The following PDE8B variants were observed in gnomAD, a reference collection of about 807,000 sequenced individuals.
PDE8B encodes high affinity cAMP-specific and IBMX-insensitive 3',5'-cyclic phosphodiesterase 8B.
A neutral mutation model predicts 101.3 loss-of-function variants in PDE8B; 26 were observed. That is an observed-to-expected ratio of 0.26 (90% CI 0.19 to 0.36). The LOEUF is 0.36. Ranked by LOEUF, PDE8B falls within the 10% of genes least tolerant of loss-of-function variation. The pLI, the probability that PDE8B is intolerant of heterozygous loss-of-function variation, is 1.00. For missense variants in PDE8B, 810 were observed against 1,163.1 expected (o/e 0.70, Z 4.42); for synonymous variants, 424 against 429.3 (o/e 0.99, Z 0.15).
the PDE8B span, among the ~76,000 whole-genome samples, chr5:77,186,808 A>G: frequency 6.6e-6 from 1 of 152,176 alleles, no homozygotes; most frequent in South Asian, 2.1e-4. Flanking sequence ...TAGTGCGCAG[A>G]GGGGAGGCCA....
At chr5:77,155,975 G>A in the PDE8B span, among the ~76,000 whole-genome samples, 42 of 152,228 alleles carry the variant, frequency 2.8e-4, no homozygotes, top group Admixed American at 5.2e-4. Context: ...CTGTAATGAC[G>A]GAAGGGAAAA....
chr5:77,210,249 T>C (rs1333042157), upstream of PDE8B, among the ~76,000 whole-genome samples: 1 of 151,794 alleles, frequency 6.6e-6, no homozygotes. This position sits in a 1 kb window ranked among gnomAD's most constrained non-coding sequence, Gnocchi z 4.9. Flanking sequence ...ACGAGGCCTC[T>C]GGACAGCGGA....
intron 20 of PDE8B, among the ~76,000 whole-genome samples, chr5:77,424,823 T>TTG (rs1554104689): frequency 1.1e-4 from 12 of 109,120 alleles, no homozygotes; most frequent in Middle Eastern, 4.3e-3. Context: ...TTTTTTGTTT[T>TTG]TTGTTTTTTG....
At chr5:77,125,794 G>T in the PDE8B span, among the ~76,000 whole-genome samples, 1 of 152,116 alleles carries the variant, frequency 6.6e-6, no homozygotes, top group Non-Finnish European at 1.5e-5. Flanking sequence ...GGTTTCCAGG[G>T]TCTGGGGGAA....
chr5:77,327,696 G>C (rs996208193), intron 3 of PDE8B, among the ~76,000 whole-genome samples: 3 of 152,190 alleles, frequency 2.0e-5, no homozygotes, highest in South Asian at 2.1e-4. Context: ...CCTGCCCTGT[G>C]GGGTGGCTGA....
At chr5:77,089,559 A>G in the PDE8B span, among the ~76,000 whole-genome samples, 1 of 152,220 alleles carries the variant, frequency 6.6e-6, no homozygotes, top group African/African-American at 2.4e-5. Flanking sequence ...GGTGCCAAAA[A>G]GGTTGGGGAT....
chr5:77,308,834 C>T (rs1471633265), intron 1 of PDE8B, among the ~76,000 whole-genome samples: 2 of 152,072 alleles, frequency 1.3e-5, no homozygotes, highest in African/African-American at 4.8e-5. Context: ...GCCAGCCCAC[C>T]ATGTAAGGTT....
At chr5:77,312,564 T>C (rs1772904170) in intron 2 of PDE8B, among the ~76,000 whole-genome samples, 1 of 152,178 alleles carries the variant, frequency 6.6e-6, no homozygotes, top group Admixed American at 6.5e-5. Flanking sequence ...AGCAATGAAA[T>C]GGTGAAGGGC....
the PDE8B span, among the ~76,000 whole-genome samples, chr5:77,170,918 C>G: frequency 6.6e-6 from 1 of 152,198 alleles, no homozygotes; most frequent in East Asian, 1.9e-4. Context: ...TTTTGAAGCA[C>G]TACAATAGTC....
the PDE8B span, among the ~76,000 whole-genome samples, chr5:77,089,067 C>T: frequency 2.1e-4 from 32 of 152,240 alleles, no homozygotes; most frequent in Middle Eastern, 3.4e-3. Context: ...TCCCCAACCC[C>T]GGGCCATGAA....
At chr5:77,367,011 G>A (rs1202106424) in intron 10 of PDE8B, among the ~76,000 whole-genome samples, 2 of 152,100 alleles carry the variant, frequency 1.3e-5, no homozygotes, top group African/African-American at 4.8e-5. Flanking sequence ...GCCCCTTGGG[G>A]CCTCTCAACT....
chr5:77,268,315 G>A (rs770063339), intron 1 of PDE8B, among the ~76,000 whole-genome samples: 5 of 151,884 alleles, frequency 3.3e-5, no homozygotes, highest in Non-Finnish European at 7.4e-5. Context: ...TAATCACATC[G>A]GGGTAAATGG....
chr5:77,425,605 G>A (rs1038722680), intron 20 of PDE8B, among the ~76,000 whole-genome samples, 162 bp from the exon 21 acceptor site: 1 of 152,164 alleles, frequency 6.6e-6, no homozygotes, highest in Non-Finnish European at 1.5e-5. Context: ...AGTCAGTGTA[G>A]CTCAGCTGAC....
the PDE8B span, among the ~76,000 whole-genome samples, chr5:77,108,512 G>A: frequency 9.9e-5 from 15 of 151,964 alleles, no homozygotes; most frequent in African/African-American, 2.2e-4. Flanking sequence ...GCGAAACCCC[G>A]TCTCTATTAA....
intron 1 of PDE8B, among the ~76,000 whole-genome samples, chr5:77,234,784 G>A (rs1288492139): frequency 2.0e-5 from 3 of 152,198 alleles, no homozygotes; most frequent in Non-Finnish European, 4.4e-5. Context: ...GTAAGTGATT[G>A]AGAGCTTTTG....
chr5:77,201,968 T>G, the PDE8B span, among the ~76,000 whole-genome samples: 1 of 152,154 alleles, frequency 6.6e-6, no homozygotes, highest in Non-Finnish European at 1.5e-5. Flanking sequence ...CTCTGTGTGG[T>G]CTTTTCTCTG....
intron 1 of PDE8B, among the ~76,000 whole-genome samples, chr5:77,250,703 G>A (rs998509192): frequency 1.3e-5 from 2 of 152,142 alleles, no homozygotes; most frequent in African/African-American, 4.8e-5. Flanking sequence ...TATAGCTTTG[G>A]ATGATCTGAA....
intron 1 of PDE8B, among the ~76,000 whole-genome samples, chr5:77,276,100 TAGA>T (rs1298703055): frequency 6.6e-6 from 1 of 152,266 alleles, no homozygotes; most frequent in Non-Finnish European, 1.5e-5. Flanking sequence ...TAGAGTTCTT[TAGA>T]AGAACTTAGT....
At position 77,329,030 on chromosome 5, in the gene PDE8B, C is replaced by T. The variant is rs1285460223; in HGVS notation, c.623C>T (p.Thr208Met). ...CGGGCCACAAATCCCTCCGAGCACA[C>T]GGTGATCCTCGCAGTGGTTTCGCGA... ...SIRATNPSEH[T>M]VILAVVSRVS... is the part of the protein sequence containing the mutation. The change falls in exon 4 of 22, where the codon ACG becomes ATG. Residue 208 changes from threonine to methionine, a missense_variant. Coordinates refer to ENST00000264917, the MANE Select transcript of PDE8B (RefSeq NM_003719.5). The T allele has an allele frequency of 6.8e-6, 11 of 1,613,784 alleles. No individual in the cohort carries two copies. The highest frequency in any genetic ancestry group is 4.0e-5 in the African/African-American group (3 of 74,916).
Sources: allele counts gnomAD v4.1 joint callset (sites outside exome capture counted in the v4.1 genomes callset), GRCh38; gene constraint gnomAD v4.1.1; non-coding constraint Gnocchi (gnomAD v3.1); transcripts MANE v1.5; gene names NCBI Gene and HGNC (gene_info 2026-07-23, HGNC 2026-07-21).